Variants in SCAF11 observed in about 807,000 individuals in gnomAD.
The protein encoded by SCAF11 is SR-related CTD associated factor 11.
Under a neutral mutation model 140.5 loss-of-function variants are expected in SCAF11, and 47 were observed. The ratio of observed to expected loss-of-function variants is 0.33; its 90% CI spans 0.26 to 0.43. SCAF11 has a LOEUF of 0.43. Among genes scored for constraint, SCAF11 ranks in the 20% least tolerant of loss-of-function variants. The pLI is 1.00. For synonymous variants in SCAF11, 557 were observed against 579.4 expected (o/e 0.96, Z 0.55); for missense variants, 1,645 against 1,705.1 (o/e 0.96, Z 0.62).
At chr12:45,972,931 T>TATATATATAG (rs1946128153) in intron 1 of SCAF11, among the ~76,000 whole-genome samples, 5 of 76,224 alleles carry the variant, frequency 6.6e-5, no homozygotes, top group African/African-American at 3.2e-4. Context: ...GATATATAGA[T>TATATATATAG]ATATATAGAT....
chr12:45,979,445 T>C (rs763867140), intron 1 of SCAF11, among the ~76,000 whole-genome samples: 1 of 152,210 alleles, frequency 6.6e-6, no homozygotes, highest in Non-Finnish European at 1.5e-5. Flanking sequence ...TCTGAAATTC[T>C]ACCCCGTTCT....
chr12:45,945,105 A>G, intron 6 of SCAF11, 144 bp downstream of exon 6: 1 of 622,872 alleles, frequency 1.6e-6, no homozygotes, highest in Middle Eastern at 3.2e-4. Flanking sequence ...ATGAAAACAA[A>G]ATTTATGTAG....
At chr12:45,944,786 CT>C (rs34591032) in intron 6 of SCAF11, among the ~76,000 whole-genome samples, 129,765 of 152,228 alleles carry the variant, frequency 0.85, 55,674 homozygotes, top group African/African-American at 0.95. Context: ...GTTAGAGGTG[CT>C]TTTATTTCTA....
intron 1 of SCAF11, among the ~76,000 whole-genome samples, chr12:45,973,391 A>G (rs1184574690): frequency 6.6e-6 from 1 of 152,102 alleles, no homozygotes; most frequent in East Asian, 1.9e-4. Context: ...AGAAAAAAGA[A>G]AGTAGAAAGA....
intron 3 of SCAF11, among the ~76,000 whole-genome samples, chr12:45,957,169 G>A (rs138690165): frequency 4.6e-5 from 7 of 152,218 alleles, no homozygotes; most frequent in African/African-American, 1.2e-4. Context: ...TTACATTACC[G>A]TTCACAGAGA....
chr12:45,970,183 C>A (rs1022826270), intron 1 of SCAF11, among the ~76,000 whole-genome samples: 1 of 152,086 alleles, frequency 6.6e-6, no homozygotes, highest in Non-Finnish European at 1.5e-5. Flanking sequence ...CATGAGCCAC[C>A]GCGCCCGGCC....
At chr12:45,959,119 T>C (rs531149878) in intron 3 of SCAF11, among the ~76,000 whole-genome samples, 4 of 152,258 alleles carry the variant, frequency 2.6e-5, no homozygotes, top group Non-Finnish European at 4.4e-5. Flanking sequence ...TCTAGAAAGA[T>C]GATCCTAACT....
intron 1 of SCAF11, among the ~76,000 whole-genome samples, chr12:45,981,709 T>G (rs1391107568): frequency 6.6e-6 from 1 of 152,090 alleles, no homozygotes; most frequent in Non-Finnish European, 1.5e-5. Flanking sequence ...GCAGGAGGAT[T>G]ACTTGAGCCC....
chr12:45,927,165 A>AT lies in SCAF11; in HGVS notation c.2535dup (p.Ser846IlefsTer28). On this transcript the variant is annotated frameshift_variant, in exon 11 of 15. Transcript: ENST00000369367. LOFTEE classifies it high-confidence loss of function. ...TCCTTTTTTGGGGACTGAGAACGGG[A>AT]TTTTTTCCGGCCTCTGGCTGACTCA... The AT allele has an allele frequency of 1.2e-6, 2 of 1,613,474 alleles. No homozygotes were observed. The highest frequency in any genetic ancestry group is 1.7e-6 in the Non-Finnish European group (2 of 1,179,870).
At position 45,931,391 on chromosome 12, in the gene SCAF11, A is replaced by G. The variant is rs561121532; in HGVS notation, c.841+115T>C. 210 of 499,654 alleles carry G rather than the reference A, an allele frequency of 4.2e-4. 1 individual carries two copies. The Middle Eastern group carries it at 5.9e-3, about 14-fold the overall frequency. 31.0% of individuals were successfully genotyped at this position (499,654 alleles called of 1,614,324 possible). ...CCAAATATTTATAGACGTATTTACA[A>G]GTTACTATGCCTTACTTTACAGCTT... On this transcript the variant is annotated intron_variant, in intron 10 of 14. Coordinates refer to ENST00000369367, the MANE Select transcript of SCAF11 (RefSeq NM_004719.3).
At chr12:45,966,235 G>C (rs1408787272) in intron 1 of SCAF11, among the ~76,000 whole-genome samples, 2 of 152,024 alleles carry the variant, frequency 1.3e-5, no homozygotes, top group African/African-American at 4.8e-5. Flanking sequence ...GAAAGCTTAA[G>C]AACATTAGCA....
At position 45,919,232 on chromosome 12, in the gene SCAF11, C is replaced by T. The variant is rs1459540827; in HGVS notation, c.*2816G>A. 2 of 152,166 alleles carry T rather than the reference C, an allele frequency of 1.3e-5. No individual in the cohort carries two copies. The highest frequency in any genetic ancestry group is 1.9e-4 in the East Asian group (1 of 5,202). 9.4% of individuals were successfully genotyped at this position (152,166 alleles called of 1,614,324 possible). ...CAGCACTCCAACTTCATAATACAAA[C>T]AATATCTCATGGACCCTGGGGCAAT... On this transcript the variant is annotated 3_prime_UTR_variant, in exon 15 of 15. Coordinates refer to ENST00000369367, the MANE Select transcript of SCAF11 (RefSeq NM_004719.3).
intron 1 of SCAF11, among the ~76,000 whole-genome samples, chr12:45,966,788 A>G (rs1945960498): frequency 6.6e-6 from 1 of 152,170 alleles, no homozygotes; most frequent in Non-Finnish European, 1.5e-5. Flanking sequence ...AGAAAAGTAG[A>G]TGAGGACAGA....
intron 9 of SCAF11, among the ~76,000 whole-genome samples, chr12:45,931,978 G>A (rs2136522670): frequency 6.6e-6 from 1 of 152,154 alleles, no homozygotes; most frequent in South Asian, 2.1e-4. Flanking sequence ...ACTTTGAGGT[G>A]TAATTCAACA....
chr12:45,927,055 G>C lies in SCAF11; in HGVS notation c.2646C>G (p.Ser882=). 6.2e-7 allele frequency: 1 copy of C among 1,613,970 alleles called. No homozygotes were observed. Among genetic ancestry groups the C allele is most frequent in the Non-Finnish European group, 8.5e-7 (1 of 1,180,014 alleles). The change falls in exon 11 of 15, where the codon TCC becomes TCG. Residue 882 remains serine (S), a synonymous_variant. Transcript: ENST00000369367. ...TRESRRSESL[S]PRRETSRENK... ...TCTCTCTAGAAGTTTCTCTTCTTGG[G>C]GACAGTGATTCAGATCTTCTGCTTT...
intron 10 of SCAF11, chr12:45,929,395 T>C (rs917067471): frequency 5.3e-5 from 8 of 152,366 alleles, no homozygotes; most frequent in African/African-American, 1.9e-4. Flanking sequence ...TGAGTTCAAG[T>C]GATCTGCCTG....
At chr12:45,973,440 A>C (rs1321906444) in intron 1 of SCAF11, among the ~76,000 whole-genome samples, 1 of 152,126 alleles carries the variant, frequency 6.6e-6, no homozygotes, top group Non-Finnish European at 1.5e-5. Context: ...ATGGGTGGAA[A>C]CTTCCTGAAA....
chr12:45,962,831 A>C (rs774613569), intron 2 of SCAF11, among the ~76,000 whole-genome samples: 1 of 152,214 alleles, frequency 6.6e-6, no homozygotes, highest in African/African-American at 2.4e-5. Flanking sequence ...ACAAATACAA[A>C]TCCTCTGGAG....
intron 1 of SCAF11, among the ~76,000 whole-genome samples, chr12:45,979,617 G>C (rs577111144): frequency 7.2e-5 from 11 of 152,134 alleles, no homozygotes; most frequent in African/African-American, 2.2e-4. Context: ...ATAAAACCAA[G>C]ACAGAAAAAA....
Sources: allele counts gnomAD v4.1 joint callset (sites outside exome capture counted in the v4.1 genomes callset), GRCh38; gene constraint gnomAD v4.1.1; transcripts MANE v1.5; gene names NCBI Gene and HGNC (gene_info 2026-07-23, HGNC 2026-07-21).